Variants in KIAA1217 observed in about 807,000 individuals in gnomAD.
The protein encoded by KIAA1217 is KIAA1217.
KIAA1217 carries 88 observed loss-of-function variants against 163.9 expected under a neutral mutation model. That is an observed-to-expected ratio of 0.54 (90% CI 0.45 to 0.64). KIAA1217 has a LOEUF of 0.64. Among genes scored for constraint, KIAA1217 ranks in the 30% least tolerant of loss-of-function variants. The pLI is 0.00. For synonymous variants in KIAA1217, 903 were observed against 923.1 expected, an observed-to-expected ratio of 0.98 and a Z score of 0.39; for missense variants, 2,372 against 2,475.0, an observed-to-expected ratio of 0.96 and a Z score of 0.88.
chr10:24,409,237 G>A lies in KIAA1217; in HGVS notation c.554-23758G>A, dbSNP rs545061891. Among the ~76,000 whole-genome samples the A allele has an allele frequency of 3.3e-5, 5 of 152,174 alleles. No homozygotes were observed. In the South Asian group the frequency reaches 1.0e-3, roughly 32 times the overall value. On this transcript the variant is annotated intron_variant, in intron 3 of 20. Transcript: ENST00000376454. ...GACACCACTTTACTTTTGTACTTAT[G>A]TCAAATATTACTATTTTATTTGACT...
intron 1 of KIAA1217, among the ~76,000 whole-genome samples, chr10:23,708,296 G>A (rs894041417): frequency 2.0e-5 from 3 of 152,196 alleles, no homozygotes; most frequent in Admixed American, 2.0e-4. Context: ...TGCAATTCAA[G>A]ATGAGATTTG....
At chr10:24,278,987 G>C (rs1314583893) in intron 2 of KIAA1217, among the ~76,000 whole-genome samples, 2 of 151,766 alleles carry the variant, frequency 1.3e-5, no homozygotes, top group Admixed American at 1.3e-4. Flanking sequence ...CTCCTGAGTA[G>C]CTGGGATTAC....
At chr10:24,457,384 G>C (rs769607367) in intron 5 of KIAA1217, among the ~76,000 whole-genome samples, 1 of 150,788 alleles carries the variant, frequency 6.6e-6, no homozygotes, top group Non-Finnish European at 1.5e-5. Context: ...GGGTGGCGGG[G>C]TTTGGGGGGA....
intron 2 of KIAA1217, among the ~76,000 whole-genome samples, chr10:24,200,519 G>A (rs1046583025): frequency 2.0e-5 from 3 of 152,046 alleles, no homozygotes; most frequent in African/African-American, 7.2e-5. Flanking sequence ...CTCAGCTTTC[G>A]CCTGCCATAC....
intron 5 of KIAA1217, among the ~76,000 whole-genome samples, chr10:24,472,616 C>T (rs755440674): frequency 1.8e-4 from 28 of 152,328 alleles, no homozygotes; most frequent in Admixed American, 3.3e-4. Context: ...AGCCACCACA[C>T]TATTTTTTCC....
At chr10:24,224,568 C>T (rs2070186614) in intron 2 of KIAA1217, among the ~76,000 whole-genome samples, 1 of 152,036 alleles carries the variant, frequency 6.6e-6, no homozygotes, top group South Asian at 2.1e-4. Context: ...GATCTGCGTG[C>T]CTCAGCCTCC....
chr10:23,799,169 C>A (rs1836350820), intron 1 of KIAA1217, among the ~76,000 whole-genome samples: 1 of 152,116 alleles, frequency 6.6e-6, no homozygotes. Context: ...TTCTTTTTTA[C>A]AAGGGCATCA....
rs533003580 is a variant in KIAA1217, at chr10:23,828,900, A to T, written c.-321+133666A>T. On this transcript the variant is annotated intron_variant, in intron 1 of 18. Coordinates refer to the KIAA1217 transcript ENST00000376462. ...CCTTTTTGTTAAATACTTTACATAT[A>T]TATCTCACAGTTTCTGTAGGGGTTT... Among the ~76,000 whole-genome samples the T allele has an allele frequency of 7.9e-5, 12 of 152,314 alleles. No homozygotes were observed. In the South Asian group the frequency reaches 2.1e-3, roughly 26 times the overall value.
intron 1 of KIAA1217, among the ~76,000 whole-genome samples, chr10:23,904,437 AC>A (rs1471821469): frequency 6.6e-6 from 1 of 152,186 alleles, no homozygotes; most frequent in Admixed American, 6.5e-5. Flanking sequence ...TACTATACTT[AC>A]AAAAAACTCC....
chr10:24,448,554 T>G (rs2061148261), intron 5 of KIAA1217, among the ~76,000 whole-genome samples: 1 of 152,096 alleles, frequency 6.6e-6, no homozygotes, highest in African/African-American at 2.4e-5. Context: ...ACTTGGCTAA[T>G]TTTCTGAATT....
intron 1 of KIAA1217, among the ~76,000 whole-genome samples, chr10:23,922,707 G>A (rs559671345): frequency 6.6e-6 from 1 of 152,280 alleles, no homozygotes; most frequent in East Asian, 1.9e-4. Context: ...CCTTTTTAAT[G>A]TCTTTGACTC....
At chr10:23,736,713 A>T (rs944592114) in intron 1 of KIAA1217, among the ~76,000 whole-genome samples, 1 of 152,068 alleles carries the variant, frequency 6.6e-6, no homozygotes, top group Admixed American at 6.6e-5. Context: ...TTTCGTAGAG[A>T]TGGAGTCTTG....
intron 2 of KIAA1217, among the ~76,000 whole-genome samples, chr10:24,228,143 C>G (rs1367029441): frequency 6.6e-6 from 1 of 151,954 alleles, no homozygotes; most frequent in Non-Finnish European, 1.5e-5. Flanking sequence ...GGCATGATGA[C>G]TCGTGCCAGT....
intron 2 of KIAA1217, among the ~76,000 whole-genome samples, chr10:24,103,969 G>A (rs2131724910): frequency 6.6e-6 from 1 of 152,146 alleles, no homozygotes; most frequent in Non-Finnish European, 1.5e-5. Context: ...CCAATATAAT[G>A]GGTGATATTT....
intron 1 of KIAA1217, among the ~76,000 whole-genome samples, chr10:23,701,028 AG>A (rs1202842977): frequency 6.6e-6 from 1 of 152,234 alleles, no homozygotes; most frequent in Non-Finnish European, 1.5e-5. Context: ...GGAATAAAAT[AG>A]TACCTATATC....
intron 1 of KIAA1217, among the ~76,000 whole-genome samples, chr10:23,746,159 A>G (rs1839403656): frequency 6.6e-6 from 1 of 152,140 alleles, no homozygotes; most frequent in Non-Finnish European, 1.5e-5. Context: ...CCAAGCAGTA[A>G]TGAGTAAGTT....
intron 1 of KIAA1217, among the ~76,000 whole-genome samples, chr10:23,852,491 G>T (rs533249341): frequency 6.6e-6 from 1 of 152,050 alleles, no homozygotes; most frequent in Admixed American, 6.6e-5. Context: ...TTGACTTGGC[G>T]ATGCGGGCTC....
At chr10:24,545,453 C>T in intron 20 of KIAA1217, 1 of 1,283,932 alleles carries the variant, frequency 7.8e-7, no homozygotes, top group Non-Finnish European at 9.9e-7. Context: ...TTAACGTCAC[C>T]ACTACTAACG....
intron 2 of KIAA1217, among the ~76,000 whole-genome samples, chr10:24,063,602 A>G (rs1175266720): frequency 1.3e-5 from 2 of 152,238 alleles, no homozygotes; most frequent in Non-Finnish European, 2.9e-5. Context: ...CTTTTGGCTT[A>G]GGATTGACTT....
Sources: allele counts gnomAD v4.1 joint callset (sites outside exome capture counted in the v4.1 genomes callset), GRCh38; gene constraint gnomAD v4.1.1; transcripts MANE v1.5; gene names NCBI Gene and HGNC (gene_info 2026-07-23, HGNC 2026-07-21).